The following AGBL4 variants were observed in gnomAD, a reference collection of about 807,000 sequenced individuals.
AGBL4 encodes cytosolic carboxypeptidase 6.
In AGBL4, 58 loss-of-function variants were observed where a neutral mutation model predicts 66.4. The observed-to-expected ratio is 0.87, with a 90% confidence interval of 0.71 to 1.09. AGBL4 has a LOEUF of 1.09. Ranked by LOEUF, AGBL4 falls within the 50% of genes least tolerant of loss-of-function variation. AGBL4 has a pLI of 0.00. For missense variants in AGBL4, 579 were observed against 631.0 expected (o/e 0.92, Z 0.88); for synonymous variants, 234 against 222.9 (o/e 1.05, Z -0.44).
chr1:48,522,529 AAAAC>A, the AGBL4 span, among the ~76,000 whole-genome samples: 1 of 152,224 alleles, frequency 6.6e-6, no homozygotes, highest in Non-Finnish European at 1.5e-5. Context: ...CACTTAAGAT[AAAAC>A]ACTGCTTTAT....
At chr1:48,545,331 C>A (rs191740358) in intron 11 of AGBL4, among the ~76,000 whole-genome samples, 28 of 152,258 alleles carry the variant, frequency 1.8e-4, no homozygotes, top group Non-Finnish European at 3.4e-4. Context: ...TTTCCCTTCC[C>A]CCTCCAACCC....
At chr1:48,904,442 A>G (rs1338185507) in intron 5 of AGBL4, among the ~76,000 whole-genome samples, 1 of 152,224 alleles carries the variant, frequency 6.6e-6, no homozygotes, top group African/African-American at 2.4e-5. Flanking sequence ...TAAAGCGAGT[A>G]GCATGTCAAA....
chr1:49,992,324 A>AC (rs1341209837), intron 1 of AGBL4, among the ~76,000 whole-genome samples: 4 of 149,154 alleles, frequency 2.7e-5, no homozygotes, highest in African/African-American at 1.0e-4. Context: ...GTGAGGCGAG[A>AC]CCGCGCCACT....
chr1:49,802,203 G>A (rs1310634950), intron 2 of AGBL4, among the ~76,000 whole-genome samples: 1 of 152,122 alleles, frequency 6.6e-6, no homozygotes, highest in Non-Finnish European at 1.5e-5. Context: ...AAAAGCAGAT[G>A]TTCATAGCTC....
intron 1 of AGBL4, among the ~76,000 whole-genome samples, chr1:50,002,103 A>G (rs1660797729): frequency 6.6e-6 from 1 of 152,170 alleles, no homozygotes; most frequent in Non-Finnish European, 1.5e-5. Flanking sequence ...TCTTGAAAGT[A>G]AGTTCTTTGT....
At chr1:49,330,493 T>C (rs966076043) in intron 3 of AGBL4, among the ~76,000 whole-genome samples, 1 of 152,194 alleles carries the variant, frequency 6.6e-6, no homozygotes, top group African/African-American at 2.4e-5. Context: ...AAATGAAGTT[T>C]GGAGTTTCAT....
At chr1:49,612,692 T>G (rs1571172399) in intron 3 of AGBL4, among the ~76,000 whole-genome samples, 1 of 152,164 alleles carries the variant, frequency 6.6e-6, no homozygotes, top group Non-Finnish European at 1.5e-5. Flanking sequence ...ATCTCACACC[T>G]GTCAGAATGG....
chr1:49,504,425 T>G (rs1648490282), intron 3 of AGBL4, among the ~76,000 whole-genome samples: 1 of 152,150 alleles, frequency 6.6e-6, no homozygotes, highest in African/African-American at 2.4e-5. Flanking sequence ...ATATTAATTT[T>G]TTCTCTGGAT....
intron 3 of AGBL4, among the ~76,000 whole-genome samples, chr1:49,628,108 T>C (rs1015208073): frequency 2.0e-5 from 3 of 152,118 alleles, no homozygotes; most frequent in Admixed American, 1.3e-4. Context: ...CAGGGTCCAG[T>C]GACATGCCAG....
At chr1:48,759,789 G>A (rs577694715) in intron 6 of AGBL4, among the ~76,000 whole-genome samples, 8 of 152,132 alleles carry the variant, frequency 5.3e-5, no homozygotes, top group African/African-American at 1.7e-4. Flanking sequence ...ACTTTTCATC[G>A]ACAATGCTTT....
chr1:48,997,312 G>C (rs1661093279), intron 5 of AGBL4, among the ~76,000 whole-genome samples: 1 of 152,164 alleles, frequency 6.6e-6, no homozygotes, highest in Non-Finnish European at 1.5e-5. Context: ...TGGACTTAGA[G>C]AGGAATAAGG....
chr1:49,262,374 C>T (rs1557780020), intron 3 of AGBL4, among the ~76,000 whole-genome samples: 1 of 152,168 alleles, frequency 6.6e-6, no homozygotes, highest in East Asian at 1.9e-4. Context: ...AGGCAACCTA[C>T]AAAATGGGAG....
intron 8 of AGBL4, among the ~76,000 whole-genome samples, chr1:48,640,479 GTTAC>G (rs1381009482): frequency 6.6e-6 from 1 of 152,202 alleles, no homozygotes; most frequent in African/African-American, 2.4e-5. Flanking sequence ...GGGTTAGATA[GTTAC>G]TTTCAGATAT....
rs774513957 is a variant in AGBL4, at chr1:49,927,654, A to G, written c.35-76136T>C. Reference sequence around the variant, plus strand: ...AGAGCCAAACCGTATCACAGTTTATATGAAAGTACACAGTCAGAGGAGACA... The same window carrying G: ...AGAGCCAAACCGTATCACAGTTTATGTGAAAGTACACAGTCAGAGGAGACA... On this transcript the variant is annotated intron_variant, in intron 1 of 13. Coordinates refer to ENST00000371839, the MANE Select transcript of AGBL4 (RefSeq NM_032785.4). 1.6e-4 allele frequency among the ~76,000 whole-genome samples: 24 copies of G among 151,866 alleles called. No individual in the cohort carries two copies. The South Asian group carries it at 1.7e-3, about 11-fold the overall frequency.
chr1:49,009,738 A>G (rs978416222), intron 5 of AGBL4, among the ~76,000 whole-genome samples: 3 of 151,196 alleles, frequency 2.0e-5, no homozygotes, highest in African/African-American at 7.3e-5. Context: ...GCAAATCAAT[A>G]AATGTAATCC....
intron 5 of AGBL4, among the ~76,000 whole-genome samples, chr1:48,935,052 T>C (rs1655336781): frequency 6.6e-6 from 1 of 152,230 alleles, no homozygotes; most frequent in African/African-American, 2.4e-5. Context: ...ATCAAAATTA[T>C]AGAGACAATC....
rs1261860541 is a variant in AGBL4, at chr1:49,011,160, C to T, written c.594+34424G>A. On this transcript the variant is annotated intron_variant, in intron 5 of 13. Coordinates refer to ENST00000371839, the MANE Select transcript of AGBL4 (RefSeq NM_032785.4). ...ACAAAGGGCTAATATCCAGAATCTA[C>T]AATGAACTCAAACAAATTTACAAGA... Among the ~76,000 whole-genome samples, 14 of 151,274 alleles carry T rather than the reference C, an allele frequency of 9.3e-5. No individual in the cohort carries two copies. The East Asian group carries it at 1.7e-3, about 19-fold the overall frequency.
intron 3 of AGBL4, among the ~76,000 whole-genome samples, chr1:49,291,474 A>G (rs1470713729): frequency 2.6e-5 from 4 of 152,230 alleles, no homozygotes; most frequent in Admixed American, 1.3e-4. Flanking sequence ...ACAATATTAT[A>G]CATCAGTGAG....
At chr1:49,391,841 G>A (rs1235826042) in intron 3 of AGBL4, among the ~76,000 whole-genome samples, 9 of 152,060 alleles carry the variant, frequency 5.9e-5, no homozygotes, top group Non-Finnish European at 8.8e-5. Flanking sequence ...GATTACAGGT[G>A]TGAGCCAACC....
Sources: gnomAD v4.1 joint callset for allele counts (sites outside exome capture counted in the v4.1 genomes callset) on GRCh38, gnomAD v4.1.1 for gene constraint, MANE v1.5 for transcripts, NCBI Gene and HGNC (gene_info 2026-07-23, HGNC 2026-07-21) for gene names.